Variants in CTNND2 observed in about 807,000 individuals in gnomAD.
CTNND2 encodes catenin delta 2.
CTNND2 carries 22 observed loss-of-function variants against 144.4 expected under a neutral mutation model. The observed-to-expected ratio is 0.15, with a 90% CI of 0.11 to 0.22. The LOEUF (loss-of-function observed/expected upper bound fraction) is 0.22. CTNND2 is among the 10% of genes least tolerant of loss of function. The probability of loss-of-function intolerance (pLI) is 1.00; values close to 1 mark genes in which losing one functional copy is unlikely to be tolerated. For missense variants in CTNND2, 1,353 were observed against 1,618.8 expected (o/e 0.84, Z 2.82); for synonymous variants, 751 against 695.6 (o/e 1.08, Z -1.25).
rs1028621060 is a variant in CTNND2 at position 11,823,595 on chromosome 5, T to C, written c.37+80222A>G. On this transcript the variant is annotated intron_variant, in intron 1 of 21. Coordinates refer to ENST00000304623, the MANE Select transcript of CTNND2 (RefSeq NM_001332.4). ...ATGCAGCTCATTTTTATTAGCCAAA[T>C]TGATGGTATATGCTATACTTTTTTA... Among the ~76,000 whole-genome samples the C allele has an allele frequency of 5.3e-5, 8 of 152,312 alleles. No homozygotes were observed. The East Asian group carries it at 1.5e-3, about 29-fold the overall frequency.
chr5:11,271,226 C>T (rs1246515852), intron 9 of CTNND2, among the ~76,000 whole-genome samples: 1 of 152,080 alleles, frequency 6.6e-6, no homozygotes, highest in Non-Finnish European at 1.5e-5. Context: ...CTGTTCATGA[C>T]CAATAAACGT....
At chr5:11,003,524 C>T (rs532490095) in intron 18 of CTNND2, among the ~76,000 whole-genome samples, 70 of 152,288 alleles carry the variant, frequency 4.6e-4, no homozygotes, top group African/African-American at 1.7e-3. Context: ...TTTACACATA[C>T]ACTTCCTTCT....
At chr5:11,060,547 T>C (rs141325348) in intron 16 of CTNND2, among the ~76,000 whole-genome samples, 3 of 152,330 alleles carry the variant, frequency 2.0e-5, no homozygotes, top group Non-Finnish European at 4.4e-5. Context: ...AAATTCAGAC[T>C]TCTGATCAGT....
At chr5:11,038,228 G>C (rs1226624012) in intron 16 of CTNND2, among the ~76,000 whole-genome samples, 1 of 152,128 alleles carries the variant, frequency 6.6e-6, no homozygotes, top group Non-Finnish European at 1.5e-5. Flanking sequence ...GAACAATACT[G>C]GTCCATGGCC....
At chr5:11,700,525 G>A (rs1785381304) in intron 2 of CTNND2, among the ~76,000 whole-genome samples, 1 of 152,176 alleles carries the variant, frequency 6.6e-6, no homozygotes, top group Admixed American at 6.5e-5. Context: ...TATTCAGCGT[G>A]CTGGGGGAGT....
At chr5:11,473,059 A>G (rs1767375738) in intron 3 of CTNND2, among the ~76,000 whole-genome samples, 1 of 152,110 alleles carries the variant, frequency 6.6e-6, no homozygotes. Context: ...GACAGAGCAA[A>G]ACTCTGCCTC....
chr5:11,223,632 G>T (rs1740026808), intron 10 of CTNND2, among the ~76,000 whole-genome samples: 1 of 152,180 alleles, frequency 6.6e-6, no homozygotes, highest in East Asian at 1.9e-4. Context: ...ATCTACTGAA[G>T]TCTCTACTCA....
At chr5:11,590,798 C>G (rs1199519396) in intron 2 of CTNND2, among the ~76,000 whole-genome samples, 1 of 152,228 alleles carries the variant, frequency 6.6e-6, no homozygotes, top group East Asian at 1.9e-4. Flanking sequence ...CACCACCTAT[C>G]CCAAACCTAT....
intron 2 of CTNND2, among the ~76,000 whole-genome samples, chr5:11,578,361 A>C (rs1272871166): frequency 1.3e-5 from 2 of 152,188 alleles, no homozygotes; most frequent in African/African-American, 4.8e-5. Context: ...TAATCCATTT[A>C]TGTAAAGAGT....
At chr5:11,629,310 TTAAA>T (rs1443132165) in intron 2 of CTNND2, among the ~76,000 whole-genome samples, 2 of 152,104 alleles carry the variant, frequency 1.3e-5, no homozygotes, top group South Asian at 2.1e-4. Flanking sequence ...AATAAGCCTC[TTAAA>T]TAAAGACAAA....
intron 1 of CTNND2, among the ~76,000 whole-genome samples, chr5:11,798,144 C>T (rs752530697): frequency 4.0e-5 from 6 of 151,632 alleles, no homozygotes; most frequent in Non-Finnish European, 7.4e-5. Context: ...TGCCTGTAGT[C>T]CGGGTTACTC....
chr5:11,451,203 C>G (rs939233267), intron 3 of CTNND2, among the ~76,000 whole-genome samples: 4 of 151,984 alleles, frequency 2.6e-5, no homozygotes, highest in Non-Finnish European at 5.9e-5. Context: ...TATGTGGTAT[C>G]TGTCCCGTAA....
intron 10 of CTNND2, among the ~76,000 whole-genome samples, chr5:11,207,453 T>C (rs1277314803): frequency 6.6e-6 from 1 of 152,082 alleles, no homozygotes; most frequent in Non-Finnish European, 1.5e-5. Context: ...TTACATATAG[T>C]TAGTACCATA....
At chr5:11,627,402 GT>G (rs1781212882) in intron 2 of CTNND2, among the ~76,000 whole-genome samples, 1 of 152,102 alleles carries the variant, frequency 6.6e-6, no homozygotes, top group African/African-American at 2.4e-5. Flanking sequence ...GTACCATGAT[GT>G]TTTTAACAAT....
At chr5:11,647,646 T>C (rs1014520775) in intron 2 of CTNND2, among the ~76,000 whole-genome samples, 5 of 152,106 alleles carry the variant, frequency 3.3e-5, no homozygotes, top group Non-Finnish European at 7.4e-5. Flanking sequence ...AAACAATTCC[T>C]GCACCCCACA....
chr5:11,520,138 A>G (rs1772588637), intron 3 of CTNND2, among the ~76,000 whole-genome samples: 1 of 147,064 alleles, frequency 6.8e-6, no homozygotes, highest in South Asian at 2.3e-4. Context: ...CAAGAGTGAA[A>G]CTCTGTCTTG....
At position 11,493,781 on chromosome 5, in the gene CTNND2, T is replaced by C. The variant is rs546766777; in HGVS notation, c.287+71163A>G. Among the ~76,000 whole-genome samples the C allele has an allele frequency of 8.5e-5, 13 of 152,336 alleles. 1 individual carries two copies. In the South Asian group the frequency reaches 2.7e-3, roughly 32 times the overall value. ...TTATCAGAATCAATGAGGTTTTACT[T>C]AATGTCTTATTTCAGAAGAACATGC... On this transcript the variant is annotated intron_variant, in intron 3 of 21. Coordinates refer to ENST00000304623, the MANE Select transcript of CTNND2 (RefSeq NM_001332.4).
chr5:11,537,171 C>T (rs971617103), intron 3 of CTNND2, among the ~76,000 whole-genome samples: 21 of 152,022 alleles, frequency 1.4e-4, no homozygotes, highest in Admixed American at 6.6e-4. Flanking sequence ...TTTATAGATA[C>T]GAATTCCTAG....
At chr5:10,980,524 G>A (rs1737091734) in intron 21 of CTNND2, among the ~76,000 whole-genome samples, 1 of 152,158 alleles carries the variant, frequency 6.6e-6, no homozygotes, top group Admixed American at 6.5e-5. Context: ...AATACCATTT[G>A]ACCCAGTGAT....
Sources: allele counts gnomAD v4.1 joint callset (sites outside exome capture counted in the v4.1 genomes callset), GRCh38; gene constraint gnomAD v4.1.1; transcripts MANE v1.5; gene names NCBI Gene and HGNC (gene_info 2026-07-23, HGNC 2026-07-21).